HPCAL1: variants seen among roughly 807,000 people sequenced by gnomAD.
HPCAL1 encodes the protein hippocalcin-like protein 1.
Under a neutral mutation model 17.1 loss-of-function variants are expected in HPCAL1, and 8 were observed. The ratio of observed to expected loss-of-function variants is 0.47; its 90% CI spans 0.27 to 0.84. The LOEUF is 0.84. Ranked by LOEUF, HPCAL1 falls within the 40% of genes least tolerant of loss-of-function variation. The pLI is 0.13. For missense variants in HPCAL1, 165 were observed against 271.1 expected (o/e 0.61, Z 2.75); for synonymous variants, 112 against 111.4 (o/e 1.01, Z -0.03).
chr2:10,380,671 A>G (rs763990277), intron 1 of HPCAL1, among the ~76,000 whole-genome samples: 3 of 151,656 alleles, frequency 2.0e-5, no homozygotes, highest in Non-Finnish European at 1.5e-5. Context: ...TTCTCTCTGC[A>G]TGACTATTAT....
intron 1 of HPCAL1, among the ~76,000 whole-genome samples, chr2:10,324,596 G>A (rs1381289878): frequency 6.6e-6 from 1 of 152,048 alleles, no homozygotes; most frequent in East Asian, 1.9e-4. Flanking sequence ...CTGGTTTTCA[G>A]CCTATGTTTT....
intron 1 of HPCAL1, among the ~76,000 whole-genome samples, chr2:10,328,588 T>G (rs1023769340): frequency 1.3e-5 from 2 of 152,176 alleles, no homozygotes; most frequent in Non-Finnish European, 2.9e-5. Flanking sequence ...ACACCCACCT[T>G]CTGCTGCTCT....
rs70948887 is a variant in HPCAL1 at position 10,382,593 on chromosome 2, T to TAAA, written c.-110-14224_-110-14222dup. Among the ~76,000 whole-genome samples, 388 of 127,972 alleles carry TAAA rather than the reference T, an allele frequency of 3.0e-3. 1 individual carries two copies. The highest frequency in any genetic ancestry group is 4.7e-3 in the African/African-American group (157 of 33,730). The allele number at this position is 127,972 out of a possible 152,430, so 84.0% of individuals were successfully genotyped here. On this transcript the variant is annotated intron_variant, in intron 1 of 4. Coordinates refer to ENST00000307845, the MANE Select transcript of HPCAL1 (RefSeq NM_002149.4). ...GCTCTAAAAAATAAAGTTCATTAAT[T>TAAA]AAAAAAAAAAAAAAAAAAAAGGGAA... is the stretch of plus-strand genomic sequence containing the variant.
At chr2:10,417,586 G>A (rs1177715416) in intron 2 of HPCAL1, among the ~76,000 whole-genome samples, 2 of 152,128 alleles carry the variant, frequency 1.3e-5, no homozygotes, top group African/African-American at 4.8e-5. Flanking sequence ...TTATGAGTAC[G>A]TAAGATGGGC....
chr2:10,406,728 C>T (rs898915728), intron 2 of HPCAL1, among the ~76,000 whole-genome samples: 5 of 152,282 alleles, frequency 3.3e-5, no homozygotes, highest in Non-Finnish European at 5.9e-5. Context: ...TGGCATCCGG[C>T]ACCCTTCACC....
chr2:10,410,947 T>C (rs1670316027), intron 2 of HPCAL1, among the ~76,000 whole-genome samples: 1 of 144,012 alleles, frequency 6.9e-6, no homozygotes, highest in Non-Finnish European at 1.5e-5. Flanking sequence ...CCCCGTTTCT[T>C]GTGAGGCAGC....
chr2:10,404,733 T>C (rs978583653), intron 2 of HPCAL1, among the ~76,000 whole-genome samples: 1 of 152,214 alleles, frequency 6.6e-6, no homozygotes, highest in Non-Finnish European at 1.5e-5. Context: ...TCCTTTTTCT[T>C]TATTTTCTCT....
intron 1 of HPCAL1, among the ~76,000 whole-genome samples, chr2:10,348,800 G>T (rs1267031099): frequency 1.3e-5 from 2 of 152,026 alleles, no homozygotes; most frequent in African/African-American, 4.8e-5. Flanking sequence ...CAAAACTCTG[G>T]ATTCTGGCCT....
intron 1 of HPCAL1, among the ~76,000 whole-genome samples, chr2:10,379,234 T>C (rs1217772334): frequency 6.6e-6 from 1 of 151,924 alleles, no homozygotes; most frequent in Non-Finnish European, 1.5e-5. Flanking sequence ...AGTCCAGCCT[T>C]GCAGCTTTCC....
chr2:10,424,183 C>T, intron 4 of HPCAL1: 1 of 287,096 alleles, frequency 3.5e-6, no homozygotes, highest in South Asian at 3.3e-5. Context: ...GTCTGGAGTG[C>T]AGCCCTCGGG....
chr2:10,381,590 G>A (rs1032856294), intron 1 of HPCAL1, among the ~76,000 whole-genome samples: 6 of 150,212 alleles, frequency 4.0e-5, no homozygotes, highest in Non-Finnish European at 7.4e-5. Flanking sequence ...GGTGCTCTGC[G>A]CCGCCAGAGC....
Position 10,306,991 on chromosome 2 carries a change from C to G in HPCAL1, c.-111+3814C>G, listed in dbSNP as rs1001027511. 2.0e-5 allele frequency among the ~76,000 whole-genome samples: 3 copies of G among 152,276 alleles called. No individual in the cohort carries two copies. The South Asian group carries it at 6.2e-4, about 32-fold the overall frequency. On this transcript the variant is annotated intron_variant, in intron 1 of 4. Coordinates refer to ENST00000307845, the MANE Select transcript of HPCAL1 (RefSeq NM_002149.4). The stretch of plus-strand genomic sequence containing the variant: ...CCTTTACCTTAAGAAGCAAGTGCAC[C>G]CTGAATGCTTCTAATCCCGCAGCTG...
At chr2:10,368,323 G>T (rs1457497256) in intron 1 of HPCAL1, among the ~76,000 whole-genome samples, 2 of 149,180 alleles carry the variant, frequency 1.3e-5, no homozygotes, top group Non-Finnish European at 1.5e-5. Flanking sequence ...TGCACGTGTG[G>T]GTGTGTGTGC....
chr2:10,304,405 C>T lies in HPCAL1; in HGVS notation c.-111+1228C>T, dbSNP rs994794368. On this transcript the variant is annotated intron_variant, in intron 1 of 4. Transcript: ENST00000307845. The surrounding 1 kb of genome is among the most constrained non-coding windows in gnomAD (Gnocchi z 4.1). ...GCCGCCAAAGGCCACCCCTTTCCTC[C>T]TGGCTGACCCCAATTCCACCAGAGG... Among the ~76,000 whole-genome samples the T allele has an allele frequency of 6.7e-6, 1 of 149,556 alleles. No individual in the cohort carries two copies. The highest frequency in any genetic ancestry group is 1.5e-5 in the Non-Finnish European group (1 of 67,394).
intron 1 of HPCAL1, among the ~76,000 whole-genome samples, chr2:10,319,581 G>T (rs967849595): frequency 1.1e-4 from 16 of 149,604 alleles, no homozygotes; most frequent in African/African-American, 3.2e-4. Flanking sequence ...GGTGGGGTGG[G>T]GTGGGGTGGG....
chr2:10,392,635 G>T (rs1457675438), intron 1 of HPCAL1, among the ~76,000 whole-genome samples: 1 of 151,906 alleles, frequency 6.6e-6, no homozygotes, highest in Non-Finnish European at 1.5e-5. Context: ...GATGAGCTAG[G>T]TAGTACTATT....
chr2:10,383,773 A>G (rs564195949), intron 1 of HPCAL1, among the ~76,000 whole-genome samples: 1 of 152,060 alleles, frequency 6.6e-6, no homozygotes, highest in African/African-American at 2.4e-5. Flanking sequence ...CACTGTTGCC[A>G]TTTGGAGAAG....
chr2:10,367,050 C>T lies in HPCAL1; in HGVS notation c.-110-29785C>T, dbSNP rs1219042798. On this transcript the variant is annotated intron_variant, in intron 1 of 4. Transcript: ENST00000307845. This position sits in a 1 kb window ranked among gnomAD's most constrained non-coding sequence, Gnocchi z 4.4. ...CAGTGAGGCTGGCCCTGCCCTTGCT[C>T]GCCCAGCTGATCTGACACCCTCCAG... is the stretch of plus-strand genomic sequence containing the variant. Among the ~76,000 whole-genome samples the T allele has an allele frequency of 2.0e-5, 3 of 151,982 alleles. No homozygotes were observed. The highest frequency in any genetic ancestry group is 2.9e-5 in the Non-Finnish European group (2 of 68,014).
intron 1 of HPCAL1, among the ~76,000 whole-genome samples, chr2:10,320,501 C>T (rs1255186587): frequency 3.9e-5 from 6 of 152,234 alleles, no homozygotes; most frequent in East Asian, 3.9e-4. Context: ...GTAGGTTTCC[C>T]GAGGCCTCCC....
Sources: gnomAD v4.1 joint callset for allele counts (sites outside exome capture counted in the v4.1 genomes callset) on GRCh38, gnomAD v4.1.1 for gene constraint, Gnocchi (gnomAD v3.1) non-coding constraint, MANE v1.5 for transcripts, NCBI Gene and HGNC (gene_info 2026-07-23, HGNC 2026-07-21) for gene names.